USH2A: variants seen among roughly 807,000 people sequenced by gnomAD.
USH2A encodes the protein Usher syndrome 2A (autosomal recessive, mild).
A neutral mutation model predicts 538.9 loss-of-function variants in USH2A; 443 were observed. The observed-to-expected ratio is 0.82, with a 90% CI of 0.76 to 0.89. USH2A has a LOEUF of 0.89. USH2A is among the 40% of genes least tolerant of loss of function. USH2A has a pLI of 0.00. For synonymous variants in USH2A, 2,413 were observed against 2,273.5 expected, an observed-to-expected ratio of 1.06 and a Z score of -1.75; for missense variants, 6,633 against 6,324.8, an observed-to-expected ratio of 1.05 and a Z score of -1.65.
intron 6 of USH2A, 67 bp downstream of exon 6, chr1:216,325,238 T>C: frequency 6.5e-7 from 1 of 1,535,732 alleles, no homozygotes; most frequent in South Asian, 1.1e-5. Flanking sequence ...TTTTAAGACA[T>C]GAAGTTTGTG....
chr1:216,421,965 A>C lies in USH2A; in HGVS notation c.372T>G (p.Ser124=). The change falls in exon 2 of 72, where the codon TCT becomes TCG. Residue 124 remains serine (S), a synonymous_variant. Coordinates refer to ENST00000307340, the MANE Select transcript of USH2A (RefSeq NM_206933.4). The part of the protein sequence containing the change: ...NDLHPNAHSN[S]ASFIFGNHKS... Reference sequence around the variant, plus strand: ...TGTGATTTCCAAAAATAAAACTTGCAGAATTGCTATGGGCGTTAGGATGCA... The same window carrying C: ...TGTGATTTCCAAAAATAAAACTTGCCGAATTGCTATGGGCGTTAGGATGCA... The C allele has an allele frequency of 6.2e-7, 1 of 1,613,958 alleles. No individual in the cohort carries two copies. Among genetic ancestry groups the C allele is most frequent in the South Asian group, 1.1e-5 (1 of 91,086 alleles).
At chr1:216,286,829 A>G (rs2036896131) in intron 11 of USH2A, among the ~76,000 whole-genome samples, 1 of 152,182 alleles carries the variant, frequency 6.6e-6, no homozygotes, top group Non-Finnish European at 1.5e-5. Flanking sequence ...TACATGGGGT[A>G]CTGTATTTAC....
intron 37 of USH2A, among the ~76,000 whole-genome samples, chr1:215,951,863 T>TATTTA (rs879816191): frequency 6.7e-6 from 1 of 149,066 alleles, no homozygotes; most frequent in East Asian, 2.1e-4. Context: ...ATTTTTTATT[T>TATTTA]TTTTTATTTT....
chr1:216,020,023 C>G (rs1273817161), intron 32 of USH2A, among the ~76,000 whole-genome samples: 1 of 152,146 alleles, frequency 6.6e-6, no homozygotes, highest in Middle Eastern at 3.2e-3. Flanking sequence ...GATTGTCTAT[C>G]TTTGAATCAT....
intron 47 of USH2A, among the ~76,000 whole-genome samples, chr1:215,837,448 A>G (rs1663564174): frequency 6.6e-6 from 1 of 152,176 alleles, no homozygotes; most frequent in Admixed American, 6.5e-5. Flanking sequence ...TGTTGTTGTT[A>G]CTAATTATGA....
At chr1:215,869,811 G>A (rs17025528) in intron 43 of USH2A, among the ~76,000 whole-genome samples, 5,811 of 152,150 alleles carry the variant, frequency 0.038, 171 homozygotes, top group South Asian at 0.14. Flanking sequence ...ATCAGGTGGC[G>A]CTAAAATGGT....
At chr1:215,733,364 T>C (rs761405928) in intron 60 of USH2A, among the ~76,000 whole-genome samples, 13 of 152,180 alleles carry the variant, frequency 8.5e-5, no homozygotes, top group Non-Finnish European at 1.0e-4. Flanking sequence ...ATCTGCAACA[T>C]TGGGAATCTG....
chr1:215,675,517 G>A lies in USH2A; in HGVS notation c.12394C>T (p.Leu4132=). Residue 4132 remains leucine (L), a synonymous_variant, in exon 63 of 72, where the codon CTG becomes TTG. Coordinates refer to ENST00000307340, the MANE Select transcript of USH2A (RefSeq NM_206933.4). ...CAACCTGCTCTGGTGCAGGCCTCCA[G>A]GGTCAGTGTGTAGAGAGTGAAAGGA... The part of the protein sequence containing the change: ...LDPFTLYTLT[L]EACTRAGCAH... 1 of 1,614,046 alleles carries A rather than the reference G, an allele frequency of 6.2e-7. No homozygotes were observed. Among genetic ancestry groups the A allele is most frequent in the Non-Finnish European group, 8.5e-7 (1 of 1,179,996 alleles).
intron 32 of USH2A, among the ~76,000 whole-genome samples, chr1:216,043,319 C>T (rs534560945): frequency 6.6e-6 from 1 of 152,036 alleles, no homozygotes; most frequent in East Asian, 1.9e-4. Context: ...CAGTTTATTT[C>T]CCCTCCTTGA....
chr1:215,731,469 T>C (rs952142153), intron 60 of USH2A, among the ~76,000 whole-genome samples: 2 of 152,200 alleles, frequency 1.3e-5, no homozygotes, highest in African/African-American at 4.8e-5. Context: ...CTGAGTAGCC[T>C]GTGTTTAGAG....
intron 21 of USH2A, among the ~76,000 whole-genome samples, chr1:216,153,260 A>C (rs1377244683): frequency 6.6e-6 from 1 of 152,208 alleles, no homozygotes; most frequent in Non-Finnish European, 1.5e-5. Context: ...TGGCACAGCT[A>C]AAAGGGCATT....
intron 61 of USH2A, among the ~76,000 whole-genome samples, chr1:215,715,643 T>C (rs1659461063): frequency 6.6e-6 from 1 of 152,240 alleles, no homozygotes; most frequent in African/African-American, 2.4e-5. Context: ...TCTATTTCCA[T>C]ACGAGTTCCT....
intron 61 of USH2A, among the ~76,000 whole-genome samples, chr1:215,704,546 G>A (rs1255794767): frequency 6.6e-6 from 1 of 152,134 alleles, no homozygotes; most frequent in Non-Finnish European, 1.5e-5. Flanking sequence ...TAGGAAGCAG[G>A]GTGGTTTTGA....
chr1:216,196,626 T>C lies in USH2A; in HGVS notation c.4178A>G (p.Lys1393Arg). ...EKPADNVTRG[K>R]VVGYDINMLS... is the part of the protein sequence containing the mutation. ...CATATTGATGTCATACCCCACAACT[T>C]TTCCTCTTGTAACATTATCTGCTGG... Residue 1393 changes from lysine (K) to arginine (R), a missense_variant, in exon 19 of 72, where the codon AAA (lysine) becomes AGA (arginine). By Grantham distance (26) the Lys-to-Arg change is conservative. Coordinates refer to ENST00000307340, the MANE Select transcript of USH2A (RefSeq NM_206933.4). The C allele has an allele frequency of 6.2e-7, 1 of 1,613,610 alleles. No homozygotes were observed. Among genetic ancestry groups the C allele is most frequent in the Non-Finnish European group, 8.5e-7 (1 of 1,179,720 alleles).
intron 11 of USH2A, among the ~76,000 whole-genome samples, chr1:216,273,603 T>C (rs1401119690): frequency 6.6e-6 from 1 of 152,116 alleles, no homozygotes; most frequent in Non-Finnish European, 1.5e-5. Flanking sequence ...CACCTTGATA[T>C]GCACAGTGCC....
At chr1:216,125,157 T>C (rs1401497087) in intron 21 of USH2A, among the ~76,000 whole-genome samples, 1 of 151,966 alleles carries the variant, frequency 6.6e-6, no homozygotes, top group Non-Finnish European at 1.5e-5. Context: ...GCTCTACAAA[T>C]GTAAGAATTA....
chr1:216,117,814 GTA>G (rs146211624), intron 21 of USH2A, among the ~76,000 whole-genome samples: 2,698 of 144,750 alleles, frequency 0.019, 91 homozygotes, highest in African/African-American at 0.063. Flanking sequence ...ATATATATAT[GTA>G]TATATATATA....
intron 50 of USH2A, among the ~76,000 whole-genome samples, chr1:215,794,581 C>T (rs1283203197): frequency 6.6e-6 from 1 of 152,106 alleles, no homozygotes; most frequent in Admixed American, 6.5e-5. Context: ...TGGAATCTGT[C>T]TATTTTCAGT....
intron 38 of USH2A, among the ~76,000 whole-genome samples, chr1:215,903,881 A>G (rs1026108453): frequency 2.6e-5 from 4 of 152,144 alleles, no homozygotes; most frequent in Non-Finnish European, 5.9e-5. Flanking sequence ...AGGGCCAACT[A>G]TCCACTTCTT....
Sources: gnomAD v4.1 joint callset for allele counts (sites outside exome capture counted in the v4.1 genomes callset) on GRCh38, gnomAD v4.1.1 for gene constraint, MANE v1.5 for transcripts, NCBI Gene and HGNC (gene_info 2026-07-23, HGNC 2026-07-21) for gene names.